The following ZNF438 variants were observed in gnomAD, a reference collection of about 807,000 sequenced individuals.
ZNF438 encodes the protein zinc finger protein 438.
In ZNF438, 25 loss-of-function variants were observed where a neutral mutation model predicts 38.0. That is an observed-to-expected ratio of 0.66 (90% CI 0.48 to 0.92). ZNF438 has a LOEUF of 0.92. Ranked by LOEUF, ZNF438 falls within the 40% of genes least tolerant of loss-of-function variation. ZNF438 has a pLI of 0.00. For synonymous variants in ZNF438, 372 were observed against 364.1 expected (o/e 1.02, Z -0.25); for missense variants, 1,007 against 999.6 (o/e 1.01, Z -0.10).
At chr10:30,893,063 T>C (rs937561008) in intron 3 of ZNF438, among the ~76,000 whole-genome samples, 1 of 152,192 alleles carries the variant, frequency 6.6e-6, no homozygotes, top group Non-Finnish European at 1.5e-5. Context: ...TGGGTTGACT[T>C]AATATTTTTC....
chr10:30,966,217 G>A (rs1402671019), intron 1 of ZNF438, among the ~76,000 whole-genome samples: 1 of 151,996 alleles, frequency 6.6e-6, no homozygotes, highest in South Asian at 2.1e-4. Flanking sequence ...GTAATCTCAG[G>A]TACTTAGGAG....
intron 3 of ZNF438, among the ~76,000 whole-genome samples, chr10:30,881,044 A>G (rs1268214642): frequency 6.6e-6 from 1 of 152,202 alleles, no homozygotes; most frequent in Non-Finnish European, 1.5e-5. Context: ...CTAAATAATG[A>G]AAGACTGAAT....
At chr10:30,961,892 G>GAAAAAAAAAAAA (rs947031672) in intron 1 of ZNF438, among the ~76,000 whole-genome samples, 1 of 67,096 alleles carries the variant, frequency 1.5e-5, no homozygotes, top group African/African-American at 5.1e-5. Context: ...CATCCCAAAA[G>GAAAAAAAAAAAA]AAAAAAAAAA....
intron 1 of ZNF438, among the ~76,000 whole-genome samples, chr10:30,944,828 T>C (rs893345887): frequency 1.4e-4 from 21 of 152,238 alleles, no homozygotes; most frequent in African/African-American, 5.1e-4. Context: ...TTCATTAAAC[T>C]GTCGAATGTA....
intron 2 of ZNF438, among the ~76,000 whole-genome samples, chr10:30,940,595 T>C (rs1244204271): frequency 6.6e-6 from 1 of 152,134 alleles, no homozygotes. Context: ...AGGATCTTCG[T>C]GGGAGGCTTT....
chr10:31,021,782 A>G (rs2133294888), intron 1 of ZNF438, among the ~76,000 whole-genome samples: 1 of 152,314 alleles, frequency 6.6e-6, no homozygotes, highest in South Asian at 2.1e-4. Context: ...CTACACCACA[A>G]TACAGTGGTG....
chr10:31,032,091 G>C (rs1352004342), upstream of ZNF438, among the ~76,000 whole-genome samples: 1 of 152,218 alleles, frequency 6.6e-6, no homozygotes, highest in Non-Finnish European at 1.5e-5. Flanking sequence ...CTGCGGCGGC[G>C]ACTGCTCTAC....
At chr10:31,017,806 T>C (rs991146628) in intron 1 of ZNF438, among the ~76,000 whole-genome samples, 1 of 152,208 alleles carries the variant, frequency 6.6e-6, no homozygotes, top group African/African-American at 2.4e-5. Context: ...TTGACTTGCT[T>C]TGGCCAATAA....
chr10:30,974,152 G>A (rs1221781896), intron 1 of ZNF438, among the ~76,000 whole-genome samples: 1 of 152,142 alleles, frequency 6.6e-6, no homozygotes, highest in Non-Finnish European at 1.5e-5. Flanking sequence ...TAGATAAATA[G>A]TTCTGTCAAG....
chr10:30,849,879 A>G (rs1431067678), exon 5 of ZNF438: 2 of 1,613,990 alleles, frequency 1.2e-6, no homozygotes, highest in Middle Eastern at 1.6e-4. Context: ...ACTTCCTCAA[A>G]TGGACTGGGT....
intron 4 of ZNF438, among the ~76,000 whole-genome samples, chr10:30,872,734 AGT>A (rs1760989130): frequency 7.7e-6 from 1 of 130,078 alleles, no homozygotes; most frequent in African/African-American, 2.9e-5. Context: ...TGGGTGACAG[AGT>A]GAGACTCTGT....
At chr10:30,857,803 A>G in intron 4 of ZNF438, 2 of 1,363,386 alleles carry the variant, frequency 1.5e-6, no homozygotes, top group Non-Finnish European at 1.9e-6. Context: ...TTACATGTTA[A>G]AGGCAGTGGA....
intron 3 of ZNF438, among the ~76,000 whole-genome samples, chr10:30,884,641 T>C (rs2039712832): frequency 6.6e-6 from 1 of 152,192 alleles, no homozygotes; most frequent in Non-Finnish European, 1.5e-5. Context: ...GCAAATACAA[T>C]CAATGATAGC....
At chr10:30,908,239 C>G (rs1163544154) in intron 3 of ZNF438, among the ~76,000 whole-genome samples, 1 of 152,088 alleles carries the variant, frequency 6.6e-6, no homozygotes, top group Admixed American at 6.5e-5. Context: ...AGAGAACATA[C>G]TTTAGTATCA....
At chr10:30,885,952 G>A (rs983912792) in intron 3 of ZNF438, among the ~76,000 whole-genome samples, 3 of 152,122 alleles carry the variant, frequency 2.0e-5, no homozygotes, top group African/African-American at 4.8e-5. Flanking sequence ...GGAATCCTAC[G>A]TAACTCCAGT....
intron 1 of ZNF438, among the ~76,000 whole-genome samples, chr10:30,983,649 T>G (rs2052465935): frequency 6.6e-6 from 1 of 152,212 alleles, no homozygotes; most frequent in African/African-American, 2.4e-5. Context: ...ATACTTCCTA[T>G]AAACTGAAAA....
intron 1 of ZNF438, among the ~76,000 whole-genome samples, chr10:31,014,752 A>G (rs954480253): frequency 2.2e-4 from 33 of 152,230 alleles, no homozygotes; most frequent in African/African-American, 7.7e-4. Context: ...TAAGGATCAA[A>G]TAAGATAAAC....
chr10:30,948,861 C>A (rs1440737401), intron 1 of ZNF438, among the ~76,000 whole-genome samples: 2 of 150,894 alleles, frequency 1.3e-5, no homozygotes, highest in African/African-American at 4.9e-5. Flanking sequence ...CCCAATCTAG[C>A]AAGGCAGGCC....
At chr10:30,852,507 C>T (rs2132852414) in intron 4 of ZNF438, among the ~76,000 whole-genome samples, 1 of 152,272 alleles carries the variant, frequency 6.6e-6, no homozygotes, top group South Asian at 2.1e-4. Flanking sequence ...CGCGCCCGGC[C>T]CGTCAACCTT....
Sources: gnomAD v4.1 joint callset for allele counts (sites outside exome capture counted in the v4.1 genomes callset) on GRCh38, gnomAD v4.1.1 for gene constraint, MANE v1.5 for transcripts, NCBI Gene and HGNC (gene_info 2026-07-23, HGNC 2026-07-21) for gene names.